NLRP1: variants seen among roughly 807,000 people sequenced by gnomAD.
NLRP1 encodes the protein NLR family pyrin domain containing 1, also known as NACHT, LRR and PYD domains-containing protein 1.
NLRP1 carries 94 observed loss-of-function variants against 136.7 expected under a neutral mutation model. The ratio of observed to expected loss-of-function variants is 0.69; its 90% CI spans 0.58 to 0.82. The LOEUF is 0.82. NLRP1 is among the 40% of genes least tolerant of loss of function. The probability of loss-of-function intolerance (pLI) is 0.00; values close to 1 mark genes in which losing one functional copy is unlikely to be tolerated. For synonymous variants in NLRP1, 690 were observed against 725.1 expected (o/e 0.95, Z 0.78); for missense variants, 1,575 against 1,802.7 (o/e 0.87, Z 2.29).
intron 12 of NLRP1, among the ~76,000 whole-genome samples, 180 bp from the exon 13 acceptor site, chr17:5,521,966 A>G (rs1310303397): frequency 6.6e-6 from 1 of 152,194 alleles, no homozygotes; most frequent in South Asian, 2.1e-4. Flanking sequence ...CTGGGATTAC[A>G]GGCGCCTGCC....
intron 3 of NLRP1, among the ~76,000 whole-genome samples, chr17:5,574,383 GCAGGATATTATC>G (rs1223496926): frequency 1.3e-5 from 2 of 152,188 alleles, no homozygotes; most frequent in African/African-American, 2.4e-5. Flanking sequence ...AAATCATTCT[GCAGGATATTATC>G]CAGGAGAACT....
intron 15 of NLRP1, among the ~76,000 whole-genome samples, chr17:5,517,354 C>CTCCCCCG (rs1162098358): frequency 1.2e-5 from 1 of 80,838 alleles, no homozygotes; most frequent in African/African-American, 4.9e-5. Flanking sequence ...CTCTGCACCC[C>CTCCCCCG]CCCCCCTCCC....
chr17:5,533,854 C>A (rs779830762), intron 9 of NLRP1, 43 bp downstream of exon 9: 7 of 1,354,788 alleles, frequency 5.2e-6, no homozygotes, highest in Non-Finnish European at 7.3e-6. Flanking sequence ...TGACCTCCCC[C>A]AACCCCTGTC....
intron 5 of NLRP1, among the ~76,000 whole-genome samples, chr17:5,550,446 G>C (rs1913199260): frequency 6.6e-6 from 1 of 152,002 alleles, no homozygotes; most frequent in East Asian, 1.9e-4. Context: ...TCTGGAAGTT[G>C]GCTCATTTCA....
chr17:5,502,102 T>C, intron 15 of NLRP1: 2 of 481,928 alleles, frequency 4.2e-6, no homozygotes, highest in East Asian at 4.0e-5. Flanking sequence ...ACTTCTTGCA[T>C]GGCCAGAGCC....
rs1914511308 is a variant in NLRP1 at position 5,559,701 on chromosome 17, A to T, written c.995T>A (p.Leu332Gln). The T allele has an allele frequency of 1.2e-6, 2 of 1,614,154 alleles. No homozygotes were observed. The highest frequency in any genetic ancestry group is 1.7e-6 in the Non-Finnish European group (2 of 1,180,058). ...CTTCCCAATTCCAGCAGCCCCCTGC[A>T]GTATGACTATGCGAGGTTCTTGGGT... ...LDTQEPRIVI[L>Q]QGAAGIGKST... The change falls in exon 4 of 17, where the codon CTG (leucine) becomes CAG (glutamine). Residue 332 changes from leucine to glutamine, a missense_variant. By Grantham distance (113) the Leu-to-Gln change is moderately radical (BLOSUM62 -2). Transcript: ENST00000572272.
At chr17:5,577,804 C>G (rs1487612813) in intron 3 of NLRP1, among the ~76,000 whole-genome samples, 1 of 152,210 alleles carries the variant, frequency 6.6e-6, no homozygotes, top group Non-Finnish European at 1.5e-5. Context: ...ACTGCCAAGA[C>G]AATCCTAAGC....
chr17:5,563,698 T>C (rs888556782), intron 3 of NLRP1, among the ~76,000 whole-genome samples: 1 of 152,214 alleles, frequency 6.6e-6, no homozygotes, highest in African/African-American at 2.4e-5. Flanking sequence ...GGAAAACGTA[T>C]TTGAAGATAT....
At chr17:5,534,432 T>C (rs1270465397) in intron 8 of NLRP1, among the ~76,000 whole-genome samples, 6 of 152,176 alleles carry the variant, frequency 3.9e-5, no homozygotes, top group Admixed American at 2.0e-4. Context: ...GGTTCTTCTG[T>C]GGTCCCTGTC....
chr17:5,506,938 T>G (rs73341268), intron 15 of NLRP1, among the ~76,000 whole-genome samples: 40,864 of 145,746 alleles, frequency 0.28, 6,217 homozygotes, highest in African/African-American at 0.4. Flanking sequence ...TTCTGACACA[T>G]GCAATACCAT....
downstream of NLRP1, chr17:5,512,145 T>A (rs1907681611): frequency 1.1e-6 from 1 of 897,030 alleles, no homozygotes; most frequent in South Asian, 1.3e-5. Context: ...ACAGACCAAC[T>A]GTGGCCATTC....
At chr17:5,579,519 G>T (rs981862296) in intron 3 of NLRP1, among the ~76,000 whole-genome samples, 6 of 152,188 alleles carry the variant, frequency 3.9e-5, no homozygotes, top group Non-Finnish European at 7.3e-5. Context: ...AGCCACTGTG[G>T]AAAGGAATTT....
chr17:5,573,515 C>T (rs550682266), intron 3 of NLRP1, among the ~76,000 whole-genome samples: 3 of 152,350 alleles, frequency 2.0e-5, no homozygotes, highest in Non-Finnish European at 4.4e-5. Flanking sequence ...GACAGACTGC[C>T]TCCTCAGGTG....
At chr17:5,518,005 T>A in intron 14 of NLRP1, 118 bp from the exon 15 acceptor site, 1 of 916,950 alleles carries the variant, frequency 1.1e-6, no homozygotes, top group Non-Finnish European at 1.7e-6. Flanking sequence ...ATCCCTGTAC[T>A]GAAATCAACC....
intron 6 of NLRP1, among the ~76,000 whole-genome samples, chr17:5,540,999 G>C (rs1466590252): frequency 6.6e-6 from 1 of 152,224 alleles, no homozygotes; most frequent in Non-Finnish European, 1.5e-5. Flanking sequence ...TGCATCAAGG[G>C]AGGAGGCCCA....
rs761886465 is a variant in NLRP1 at position 5,558,791 on chromosome 17, A to T, written c.1905T>A (p.Tyr635Ter). The T allele has an allele frequency of 6.2e-7, 1 of 1,614,064 alleles. No homozygotes were observed. The highest frequency in any genetic ancestry group is 1.3e-5 in the African/African-American group (1 of 74,936). ...CTCTCCCCTTCTCATCCTCCAAGAC[A>T]TAGGACATTGCTGCAAAGAACTCTT... ...CFQEFFAAMS[Y>*]VLEDEKGRGK... Residue 635 changes from tyrosine to a stop codon, truncating the protein, a stop_gained, in exon 4 of 17, where the codon TAT becomes TAA. Coordinates refer to ENST00000572272, the MANE Select transcript of NLRP1 (RefSeq NM_033004.4). LOFTEE classifies it high-confidence loss of function.
At chr17:5,548,317 C>T (rs540154034) in intron 5 of NLRP1, among the ~76,000 whole-genome samples, 2 of 152,306 alleles carry the variant, frequency 1.3e-5, no homozygotes, top group South Asian at 2.1e-4. Flanking sequence ...CCTCTCTCTT[C>T]CCTGTCCTCA....
downstream of NLRP1, among the ~76,000 whole-genome samples, chr17:5,510,527 T>G (rs970060111): frequency 2.0e-5 from 3 of 151,952 alleles, no homozygotes; most frequent in African/African-American, 7.3e-5. Flanking sequence ...GCCCAGCTAA[T>G]TTTTGTATTT....
In NLRP1 at chr17:5,520,927, T is replaced by C. The variant is rs2151741766; in HGVS notation, c.3869A>G (p.Tyr1290Cys). 1 of 1,612,104 alleles carries C rather than the reference T, an allele frequency of 6.2e-7. No homozygotes were observed. The highest frequency in any genetic ancestry group is 8.5e-7 in the Non-Finnish European group (1 of 1,179,024). ...PLTPLYMGCR[Y>C]TVSGSGSGML... ...CCCTGAACCAGACCCAGACACAGTGTAACGACAGCCCATATAAAGTGGGGT... is the reference window on the plus strand; with the variant it reads ...CCCTGAACCAGACCCAGACACAGTGCAACGACAGCCCATATAAAGTGGGGT... Residue 1290 changes from tyrosine (Y) to cysteine (C), a missense_variant, in exon 14 of 17, where the codon TAC becomes TGC. Coordinates refer to ENST00000572272, the MANE Select transcript of NLRP1 (RefSeq NM_033004.4).
Sources: gnomAD v4.1 joint callset for allele counts (sites outside exome capture counted in the v4.1 genomes callset) on GRCh38, gnomAD v4.1.1 for gene constraint, MANE v1.5 for transcripts, NCBI Gene and HGNC (gene_info 2026-07-23, HGNC 2026-07-21) for gene names.